Variants in PRR5L observed in about 807,000 individuals in gnomAD.
PRR5L encodes proline rich 5 like.
A neutral mutation model predicts 36.4 loss-of-function variants in PRR5L; 21 were observed. The ratio of observed to expected loss-of-function variants is 0.58; its 90% CI spans 0.41 to 0.83. PRR5L has a LOEUF of 0.83. Among genes scored for constraint, PRR5L ranks in the 40% least tolerant of loss-of-function variants. The pLI is 0.00. For synonymous variants in PRR5L, 188 were observed against 197.0 expected (o/e 0.95, Z 0.38); for missense variants, 381 against 473.3 (o/e 0.80, Z 1.81).
intron 1 of PRR5L, 72 bp from the exon 2 acceptor site, chr11:36,400,925 G>T: frequency 2.4e-6 from 3 of 1,245,888 alleles, no homozygotes; most frequent in Non-Finnish European, 2.1e-6. Flanking sequence ...AGGCTGGAAA[G>T]TCCCAGCCAA....
chr11:36,360,234 A>G (rs1857073035), intron 1 of PRR5L, among the ~76,000 whole-genome samples: 1 of 152,162 alleles, frequency 6.6e-6, no homozygotes, highest in Admixed American at 6.5e-5. Context: ...TCTACCTATT[A>G]TTAGTGGGAT....
intron 6 of PRR5L, among the ~76,000 whole-genome samples, chr11:36,443,995 T>G (rs1590597711): frequency 6.6e-6 from 1 of 152,354 alleles, no homozygotes; most frequent in East Asian, 1.9e-4. Flanking sequence ...TTTTTACGAC[T>G]TTTTAAAGGC....
chr11:36,373,273 C>T (rs1042653897), intron 1 of PRR5L, among the ~76,000 whole-genome samples: 2 of 152,004 alleles, frequency 1.3e-5, no homozygotes, highest in African/African-American at 4.8e-5. Flanking sequence ...CTAGAATGAC[C>T]AACACTGGTT....
At chr11:36,441,312 G>A (rs1452944049) in intron 6 of PRR5L, among the ~76,000 whole-genome samples, 2 of 152,160 alleles carry the variant, frequency 1.3e-5, no homozygotes, top group Non-Finnish European at 2.9e-5. Flanking sequence ...ACAGGCATTG[G>A]GTACACATTC....
At chr11:36,351,238 T>G (rs1384012168) in intron 1 of PRR5L, among the ~76,000 whole-genome samples, 2 of 85,300 alleles carry the variant, frequency 2.3e-5, no homozygotes, top group Non-Finnish European at 4.0e-5. Flanking sequence ...TTATATATAT[T>G]TATATATATT....
intron 1 of PRR5L, among the ~76,000 whole-genome samples, chr11:36,319,892 C>T (rs1856596165): frequency 6.6e-6 from 1 of 152,104 alleles, no homozygotes; most frequent in African/African-American, 2.4e-5. Context: ...TGACTGAAGT[C>T]GCATGTCCAG....
intron 1 of PRR5L, among the ~76,000 whole-genome samples, chr11:36,336,789 C>T (rs59019215): frequency 0.045 from 6,879 of 152,110 alleles, 472 homozygotes; most frequent in African/African-American, 0.15. Flanking sequence ...ACCTGTAATA[C>T]ACCTATGTAC....
intron 1 of PRR5L, among the ~76,000 whole-genome samples, chr11:36,341,758 G>A (rs1320427620): frequency 1.3e-5 from 2 of 152,184 alleles, no homozygotes; most frequent in Non-Finnish European, 2.9e-5. Flanking sequence ...CACAAGACAA[G>A]AGCTTGAGGT....
At chr11:36,352,390 G>A (rs1856984865) in intron 1 of PRR5L, among the ~76,000 whole-genome samples, 1 of 152,130 alleles carries the variant, frequency 6.6e-6, no homozygotes, top group Non-Finnish European at 1.5e-5. Flanking sequence ...CACTCTGTGG[G>A]TTGTCTGTTT....
intron 1 of PRR5L, among the ~76,000 whole-genome samples, chr11:36,345,743 G>T (rs1239783490): frequency 6.6e-6 from 1 of 152,220 alleles, no homozygotes; most frequent in South Asian, 2.1e-4. Flanking sequence ...CCTAATGGTT[G>T]TAATGGAGGG....
At chr11:36,441,975 CCT>C (rs1858731862) in intron 6 of PRR5L, among the ~76,000 whole-genome samples, 1 of 152,098 alleles carries the variant, frequency 6.6e-6, no homozygotes, top group Admixed American at 6.6e-5. Flanking sequence ...CTAGGCATCC[CCT>C]GAGCGTGGCC....
chr11:36,380,789 A>C (rs1258198717), intron 1 of PRR5L, among the ~76,000 whole-genome samples: 1 of 152,186 alleles, frequency 6.6e-6, no homozygotes, highest in Non-Finnish European at 1.5e-5. Context: ...TGTGTAGAGG[A>C]CATTCTCTGC....
At chr11:36,442,358 T>TC (rs397692551) in intron 6 of PRR5L, among the ~76,000 whole-genome samples, 3 of 151,846 alleles carry the variant, frequency 2.0e-5, no homozygotes, top group African/African-American at 7.3e-5. Context: ...TTTTTTTTTT[T>TC]CGAGACAGAG....
At chr11:36,418,918 T>A (rs1476299599) in intron 3 of PRR5L, among the ~76,000 whole-genome samples, 1 of 152,082 alleles carries the variant, frequency 6.6e-6, no homozygotes, top group East Asian at 1.9e-4. Context: ...TGTGGAGGAG[T>A]GCAAAATGAT....
At chr11:36,319,713 G>C (rs1232513444) in intron 1 of PRR5L, among the ~76,000 whole-genome samples, 4 of 148,158 alleles carry the variant, frequency 2.7e-5, no homozygotes, top group Non-Finnish European at 4.5e-5. Flanking sequence ...AAGTGTATTT[G>C]GCTTGGGTTT....
At position 36,464,923 on chromosome 11, in the gene PRR5L, ATG is replaced by A. The variant is rs1859265385; in HGVS notation, c.*2189_*2190del. The A allele has an allele frequency of 6.6e-6, 1 of 152,208 alleles. No individual in the cohort carries two copies. The allele number at this position is 152,208 out of a possible 1,614,324, so 9.4% of individuals were successfully genotyped here. ...GCCAGTTTACAACTTTTTACCATCG[ATG>A]TACACATTTGATATTTGTGCAGTAA... On this transcript the variant is annotated 3_prime_UTR_variant, in exon 9 of 9. Transcript: ENST00000530639.
chr11:36,419,429 G>T, intron 4 of PRR5L, 126 bp downstream of exon 4: 1 of 826,248 alleles, frequency 1.2e-6, no homozygotes. Flanking sequence ...TCAAGTCCCT[G>T]CTGTGTGCTG....
chr11:36,352,199 CAT>C (rs1483818406), intron 1 of PRR5L, among the ~76,000 whole-genome samples: 3 of 152,016 alleles, frequency 2.0e-5, no homozygotes, highest in East Asian at 1.9e-4. Context: ...AGCATTTTTT[CAT>C]ATGTTTGTTG....
At chr11:36,311,803 T>C (rs938822878) in intron 1 of PRR5L, among the ~76,000 whole-genome samples, 6 of 152,200 alleles carry the variant, frequency 3.9e-5, no homozygotes, top group East Asian at 1.9e-4. Flanking sequence ...CTCTAGCCAA[T>C]TGAGGTATAT....
Sources: gnomAD v4.1 joint callset for allele counts (sites outside exome capture counted in the v4.1 genomes callset) on GRCh38, gnomAD v4.1.1 for gene constraint, MANE v1.5 for transcripts, NCBI Gene and HGNC (gene_info 2026-07-23, HGNC 2026-07-21) for gene names.